Variants in PFDN2 observed in about 807,000 individuals in gnomAD.
The protein encoded by PFDN2 is prefoldin 2.
A neutral mutation model predicts 18.3 loss-of-function variants in PFDN2; 7 were observed. The ratio of observed to expected loss-of-function variants is 0.38; its 90% CI spans 0.22 to 0.72. The LOEUF (loss-of-function observed/expected upper bound fraction) is 0.72, where lower values mean the gene tolerates loss of function less well. Among genes scored for constraint, PFDN2 ranks in the 30% least tolerant of loss-of-function variants. PFDN2 has a pLI of 0.47. For missense variants in PFDN2, 181 were observed against 199.1 expected (o/e 0.91, Z 0.55); for synonymous variants, 76 against 75.0 (o/e 1.01, Z -0.07).
chr1:161,116,576 T>C (rs965646469), intron 1 of PFDN2, among the ~76,000 whole-genome samples: 2 of 152,152 alleles, frequency 1.3e-5, no homozygotes, highest in Admixed American at 6.5e-5. Context: ...TCAGAAACCA[T>C]ATTCCATAGC....
intron 1 of PFDN2, among the ~76,000 whole-genome samples, chr1:161,105,518 C>T (rs182685024): frequency 2.8e-4 from 43 of 151,970 alleles, no homozygotes; most frequent in African/African-American, 9.7e-4. Context: ...AGTGCAGTGG[C>T]GCGATCTCAG....
intron 1 of PFDN2, among the ~76,000 whole-genome samples, chr1:161,109,122 T>C (rs1339102729): frequency 1.3e-5 from 2 of 152,206 alleles, no homozygotes; most frequent in Non-Finnish European, 2.9e-5. Context: ...AATCAGTTGT[T>C]CCCTCCACAT....
At position 161,109,515 on chromosome 1, in the gene PFDN2, C is replaced by A. The variant is rs866974705; in HGVS notation, c.76-7140G>T. ...GCAACCTATTTTAAAATATCTATTT[C>A]TTTCATAGTCCTACTATAATCTGCC... On this transcript the variant is annotated intron_variant, in intron 1 of 3. Transcript: ENST00000368010. 1.1e-4 allele frequency among the ~76,000 whole-genome samples: 17 copies of A among 152,274 alleles called. 1 individual carries two copies. The highest frequency in any genetic ancestry group is 3.9e-4 in the African/African-American group (16 of 41,542).
At chr1:161,103,667 G>C (rs1265073382) in intron 1 of PFDN2, among the ~76,000 whole-genome samples, 2 of 106,138 alleles carry the variant, frequency 1.9e-5, no homozygotes, top group East Asian at 3.0e-4. Flanking sequence ...CCTGGCAACA[G>C]AGCAAGACTC....
chr1:161,102,693 C>T (rs1398547025), intron 1 of PFDN2, among the ~76,000 whole-genome samples: 3 of 152,080 alleles, frequency 2.0e-5, no homozygotes, highest in Admixed American at 6.6e-5. Flanking sequence ...GGTGCGGTGG[C>T]TCACACCTGT....
intron 1 of PFDN2, among the ~76,000 whole-genome samples, chr1:161,111,086 C>T (rs192883390): frequency 3.0e-3 from 456 of 151,982 alleles, no homozygotes; most frequent in Middle Eastern, 6.8e-3. Context: ...GTGATCCGCC[C>T]GCCTCAGCCT....
At chr1:161,106,621 A>G (rs1365218138) in intron 1 of PFDN2, among the ~76,000 whole-genome samples, 2 of 151,920 alleles carry the variant, frequency 1.3e-5, no homozygotes, top group Non-Finnish European at 2.9e-5. Flanking sequence ...TGTACAAACA[A>G]TTTTTTTCTT....
chr1:161,102,456 T>A, intron 1 of PFDN2, 81 bp from the exon 2 acceptor site: 1 of 1,090,028 alleles, frequency 9.2e-7, no homozygotes, highest in Admixed American at 1.8e-5. Context: ...TGGCAGGCTT[T>A]ACAAAGGTGC....
At chr1:161,102,002 G>A (rs1307531496) in intron 3 of PFDN2, 46 bp downstream of exon 3, 1 of 1,608,756 alleles carries the variant, frequency 6.2e-7, no homozygotes, top group Admixed American at 1.7e-5. Context: ...CAAAGTGCTG[G>A]GTTTACAGCC....
chr1:161,106,419 G>C (rs1233116003), intron 1 of PFDN2, among the ~76,000 whole-genome samples: 3 of 152,116 alleles, frequency 2.0e-5, no homozygotes, highest in African/African-American at 7.2e-5. Flanking sequence ...GGGTCTGCCA[G>C]GTAATGAAAA....
intron 1 of PFDN2, among the ~76,000 whole-genome samples, chr1:161,114,202 T>C (rs1654862307): frequency 6.6e-6 from 1 of 152,260 alleles, no homozygotes; most frequent in South Asian, 2.1e-4. Context: ...GTCTACTGAA[T>C]GTTTAACCTG....
At position 161,103,394 on chromosome 1, in the gene PFDN2, T is replaced by TA. The variant is rs1654610949; in HGVS notation, c.76-1020_76-1019insT. On this transcript the variant is annotated intron_variant, in intron 1 of 3. Coordinates refer to ENST00000368010, the MANE Select transcript of PFDN2 (RefSeq NM_012394.4). Reference sequence around the variant, plus strand: ...CCCACTATTATTCAAAAATAGCCCTTTAAAAAAAAAAAGGGCCAGGCGTGG... The same window carrying TA: ...CCCACTATTATTCAAAAATAGCCCTTATAAAAAAAAAAAGGGCCAGGCGTGG... Among the ~76,000 whole-genome samples the TA allele has an allele frequency of 1.9e-4, 24 of 128,918 alleles. 1 individual carries two copies. Among genetic ancestry groups the TA allele is most frequent in the South Asian group, 5.0e-4 (2 of 3,968 alleles). 84.6% of individuals were successfully genotyped at this position (128,918 alleles called of 152,430 possible). A position where few individuals can be genotyped will look rare whatever the true frequency, so the allele number is the denominator to read the frequency against.
chr1:161,107,424 C>CAAAAAAAAA (rs34132641), intron 1 of PFDN2, among the ~76,000 whole-genome samples: 1 of 68,310 alleles, frequency 1.5e-5, no homozygotes, highest in Non-Finnish European at 2.7e-5. Flanking sequence ...GACTCTGTCT[C>CAAAAAAAAA]AAAAAAAAAA....
intron 2 of PFDN2, 25 bp from the exon 3 acceptor site, chr1:161,102,196 C>T: frequency 6.2e-7 from 1 of 1,614,010 alleles, no homozygotes; most frequent in South Asian, 1.1e-5. Context: ...CAAGGCAGGA[C>T]CTGAGGATTC....
At position 161,100,874 on chromosome 1, in the gene PFDN2, A is replaced by C. The variant is rs1444519704; in HGVS notation, c.289-15T>G. 6.2e-7 allele frequency: 1 copy of C among 1,602,366 alleles called. No homozygotes were observed. Among genetic ancestry groups the C allele is most frequent in the African/African-American group, 1.3e-5 (1 of 74,670 alleles). On this transcript the variant is annotated splice_polypyrimidine_tract_variant and intron_variant, in intron 3 of 3. Transcript: ENST00000368010. ...ATCTTCTGTATCTAGAGGACAAGTG[A>C]CAGGGATTATATAAGGAATTCAGGA...
intron 1 of PFDN2, 138 bp from the exon 2 acceptor site, chr1:161,102,513 G>T: frequency 1.6e-6 from 1 of 628,240 alleles, no homozygotes; most frequent in Non-Finnish European, 2.8e-6. Flanking sequence ...ACAAGTTTGC[G>T]ATTTCTACCT....
chr1:161,115,725 T>C (rs1032358433), intron 1 of PFDN2, among the ~76,000 whole-genome samples: 2 of 152,222 alleles, frequency 1.3e-5, no homozygotes, highest in Non-Finnish European at 2.9e-5. Flanking sequence ...CTTTATTACA[T>C]TGTCATAACT....
chr1:161,100,770 G>A lies in PFDN2; in HGVS notation c.378C>T (p.Leu126=), dbSNP rs1654537612. 6.2e-6 allele frequency: 10 copies of A among 1,613,874 alleles called. No individual in the cohort carries two copies. In the South Asian group the frequency reaches 8.8e-5, roughly 14 times the overall value. ...NEFREKHNIR[L]MGEDEKPAAK... Reference sequence around the variant, plus strand: ...CTGCTGGCTTCTCATCTTCTCCCATGAGACGAATGTTGTGCTTTTCCCGGA... The same window carrying A: ...CTGCTGGCTTCTCATCTTCTCCCATAAGACGAATGTTGTGCTTTTCCCGGA... Residue 126 remains leucine (L), a synonymous_variant, in exon 4 of 4, where the codon CTC becomes CTT. Coordinates refer to ENST00000368010, the MANE Select transcript of PFDN2 (RefSeq NM_012394.4).
intron 1 of PFDN2, among the ~76,000 whole-genome samples, chr1:161,104,324 AC>A (rs1460590731): frequency 6.6e-6 from 1 of 152,144 alleles, no homozygotes; most frequent in Non-Finnish European, 1.5e-5. Flanking sequence ...TCAAACCATT[AC>A]CAAATACGAG....
Sources: allele counts gnomAD v4.1 joint callset (sites outside exome capture counted in the v4.1 genomes callset), GRCh38; gene constraint gnomAD v4.1.1; transcripts MANE v1.5; gene names NCBI Gene and HGNC (gene_info 2026-07-23, HGNC 2026-07-21).